Variants in GAREM1 observed in about 807,000 individuals in gnomAD.
GAREM1 encodes the protein GRB2 associated regulator of MAPK1 subtype 1.
In GAREM1, 26 loss-of-function variants were observed where a neutral mutation model predicts 71.3. The ratio of observed to expected loss-of-function variants is 0.36; its 90% confidence interval spans 0.27 to 0.51. The LOEUF (loss-of-function observed/expected upper bound fraction) is 0.51, where lower values mean the gene tolerates loss of function less well. Ranked by LOEUF, GAREM1 falls within the 20% of genes least tolerant of loss-of-function variation. GAREM1 has a pLI of 0.95. For missense variants in GAREM1, 1,026 were observed against 1,103.1 expected, an observed-to-expected ratio of 0.93 and a Z score of 0.99; for synonymous variants, 440 against 433.2, an observed-to-expected ratio of 1.02 and a Z score of -0.20.
chr18:32,380,669 A>G (rs2048087638), intron 2 of GAREM1, among the ~76,000 whole-genome samples: 1 of 152,070 alleles, frequency 6.6e-6, no homozygotes, highest in Admixed American at 6.6e-5. Context: ...TTTGTCACAG[A>G]AGCTGTCCTG....
At chr18:32,373,397 G>A (rs2048004283) in intron 2 of GAREM1, among the ~76,000 whole-genome samples, 1 of 152,148 alleles carries the variant, frequency 6.6e-6, no homozygotes, top group Admixed American at 6.5e-5. Flanking sequence ...TTCAGATGTT[G>A]AACCCTAATG....
intron 2 of GAREM1, among the ~76,000 whole-genome samples, chr18:32,366,625 C>T (rs920383293): frequency 6.6e-6 from 1 of 152,142 alleles, no homozygotes; most frequent in African/African-American, 2.4e-5. Flanking sequence ...AATTATTTTC[C>T]TCATCTACTT....
In GAREM1 at chr18:32,375,664, A is replaced by C. The variant is rs900259797; in HGVS notation, c.262+17231T>G. 3.9e-5 allele frequency among the ~76,000 whole-genome samples: 6 copies of C among 152,236 alleles called. No individual in the cohort carries two copies. In the South Asian group the frequency reaches 8.3e-4, roughly 21 times the overall value. On this transcript the variant is annotated intron_variant, in intron 2 of 5. Coordinates refer to ENST00000269209, the MANE Select transcript of GAREM1 (RefSeq NM_001242409.2). The stretch of plus-strand genomic sequence containing the variant: ...GCCAAAGTGGAAATCATTTGATTAA[A>C]GGCAATCAAAGGAAGTTAAGAAGCA...
At chr18:32,300,994 G>A (rs1298035365) in intron 3 of GAREM1, among the ~76,000 whole-genome samples, 1 of 151,332 alleles carries the variant, frequency 6.6e-6, no homozygotes, top group East Asian at 1.9e-4. Flanking sequence ...TTTTTCAGAC[G>A]GCAACTTTTA....
chr18:32,446,066 T>C (rs551901150), intron 1 of GAREM1, among the ~76,000 whole-genome samples: 126 of 152,250 alleles, frequency 8.3e-4, no homozygotes, highest in African/African-American at 2.8e-3. Context: ...GATGGGGACA[T>C]TGAAACAATG....
intron 1 of GAREM1, among the ~76,000 whole-genome samples, chr18:32,397,100 G>A (rs553995011): frequency 1.3e-5 from 2 of 152,304 alleles, no homozygotes; most frequent in East Asian, 3.9e-4. Flanking sequence ...ACAAGCAAAT[G>A]CTGAGAGATT....
At position 32,415,243 on chromosome 18, in the gene GAREM1, T is replaced by G. The variant is rs186671440; in HGVS notation, c.122-22208A>C. ...TTCTAGTAAATAAAAGCCCTGGACCTGATGGCTTCACTGTTGAATTCTAAC... is the reference window on the plus strand; with the variant it reads ...TTCTAGTAAATAAAAGCCCTGGACCGGATGGCTTCACTGTTGAATTCTAAC... On this transcript the variant is annotated intron_variant, in intron 1 of 5. Coordinates refer to ENST00000269209, the MANE Select transcript of GAREM1 (RefSeq NM_001242409.2). Among the ~76,000 whole-genome samples, 34 of 152,110 alleles carry G rather than the reference T, an allele frequency of 2.2e-4. 1 individual carries two copies. Among genetic ancestry groups the G allele is most frequent in the Admixed American group, 2.0e-3 (31 of 15,262 alleles).
intron 1 of GAREM1, among the ~76,000 whole-genome samples, chr18:32,468,281 G>A (rs930950056): frequency 1.3e-5 from 2 of 152,244 alleles, no homozygotes; most frequent in African/African-American, 4.8e-5. Flanking sequence ...CCACAATAGG[G>A]GATGAAATTA....
chr18:32,270,918 T>G (rs1353729062), intron 4 of GAREM1, among the ~76,000 whole-genome samples: 3 of 147,130 alleles, frequency 2.0e-5, no homozygotes, highest in Non-Finnish European at 4.5e-5. Context: ...TTTTTTTTTT[T>G]TGAGATGGAG....
At chr18:32,447,701 T>C (rs759662223) in intron 1 of GAREM1, among the ~76,000 whole-genome samples, 1 of 152,180 alleles carries the variant, frequency 6.6e-6, no homozygotes, top group Non-Finnish European at 1.5e-5. Context: ...GTAACTTTAG[T>C]ACTAAAAGTA....
intron 1 of GAREM1, among the ~76,000 whole-genome samples, chr18:32,420,109 T>C (rs1210775162): frequency 6.6e-6 from 1 of 152,184 alleles, no homozygotes; most frequent in Non-Finnish European, 1.5e-5. Context: ...AACCTATTAG[T>C]CTTTAAGAAT....
intron 2 of GAREM1, among the ~76,000 whole-genome samples, chr18:32,364,369 A>T (rs1349303574): frequency 6.6e-6 from 1 of 151,748 alleles, no homozygotes; most frequent in Non-Finnish European, 1.5e-5. Flanking sequence ...CTCCAAAAGT[A>T]TTTACCCCTG....
chr18:32,397,650 AAGCAAGTCCTTAGAGACCTACAAAG>A (rs1476023625), intron 1 of GAREM1, among the ~76,000 whole-genome samples: 2 of 152,218 alleles, frequency 1.3e-5, no homozygotes, highest in African/African-American at 4.8e-5. Context: ...CAGATTCATA[AAGCAAGTCCTTAGAGACCTACAAAG>A]AGACTTAGAA....
chr18:32,352,118 T>C (rs1353396542), intron 2 of GAREM1, among the ~76,000 whole-genome samples: 2 of 152,194 alleles, frequency 1.3e-5, no homozygotes, highest in South Asian at 2.1e-4. Context: ...CACTACAGGA[T>C]ACACCATTAT....
intron 1 of GAREM1, among the ~76,000 whole-genome samples, chr18:32,411,767 T>C (rs563673390): frequency 3.7e-4 from 56 of 152,194 alleles, no homozygotes; most frequent in Middle Eastern, 3.4e-3. Flanking sequence ...GCAGGTTGTA[T>C]ATAAATTCCA....
chr18:32,406,309 G>A (rs542790024), intron 1 of GAREM1, among the ~76,000 whole-genome samples: 1 of 152,076 alleles, frequency 6.6e-6, no homozygotes, highest in Non-Finnish European at 1.5e-5. Context: ...GGATTACAGC[G>A]TGAGCCACCG....
chr18:32,330,428 T>A (rs1382961945), intron 2 of GAREM1, among the ~76,000 whole-genome samples: 1 of 152,126 alleles, frequency 6.6e-6, no homozygotes. Flanking sequence ...GGTGACAGGA[T>A]CATTTGTATC....
Position 32,470,423 on chromosome 18 carries a change from G to C in GAREM1, c.6C>G (p.Asp2Glu). Reference protein sequence around the residue: MDPAPSLGCSLK... With the variant: MEPAPSLGCSLK... ...GGCTGCAGCCCAGCGAGGGCGCCGG[G>C]TCCATCTTCCCCGAAGCCTCCTGTC... Residue 2 changes from aspartate to glutamate, a missense_variant, in exon 1 of 6, where the codon GAC (aspartate) becomes GAG (glutamate). Asp to Glu is a conservative substitution (Grantham distance 45). Transcript: ENST00000269209. This position sits in a 1 kb window ranked among gnomAD's most constrained non-coding sequence, Gnocchi z 4.4. The C allele has an allele frequency of 4.0e-6, 6 of 1,509,844 alleles. No homozygotes were observed. Among genetic ancestry groups the C allele is most frequent in the Non-Finnish European group, 5.3e-6 (6 of 1,124,868 alleles). 93.5% of individuals were successfully genotyped at this position (1,509,844 alleles called of 1,614,324 possible). A position where few individuals can be genotyped will look rare whatever the true frequency, so the allele number is the denominator to read the frequency against.
intron 1 of GAREM1, among the ~76,000 whole-genome samples, chr18:32,463,771 G>A (rs1445139719): frequency 6.6e-6 from 1 of 151,562 alleles, no homozygotes; most frequent in Non-Finnish European, 1.5e-5. Context: ...GGGTTTCACC[G>A]TGTTAGCCTG....
Sources: allele counts gnomAD v4.1 joint callset (sites outside exome capture counted in the v4.1 genomes callset), GRCh38; gene constraint gnomAD v4.1.1; non-coding constraint Gnocchi (gnomAD v3.1); transcripts MANE v1.5; gene names NCBI Gene and HGNC (gene_info 2026-07-23, HGNC 2026-07-21).